Variants in DNAH7 observed in about 807,000 individuals in gnomAD.
DNAH7 encodes the protein dynein axonemal heavy chain 7.
DNAH7 carries 397 observed loss-of-function variants against 444.6 expected under a neutral mutation model. The observed-to-expected ratio is 0.89, with a 90% CI of 0.82 to 0.97. The LOEUF is 0.97. Among genes scored for constraint, DNAH7 ranks in the 50% least tolerant of loss-of-function variants. The pLI is 0.00. For synonymous variants in DNAH7, 1,636 were observed against 1,624.4 expected, an observed-to-expected ratio of 1.01 and a Z score of -0.17; for missense variants, 4,902 against 4,800.8, an observed-to-expected ratio of 1.02 and a Z score of -0.62.
chr2:195,911,200 C>T (rs931959202), intron 24 of DNAH7, among the ~76,000 whole-genome samples: 11 of 151,964 alleles, frequency 7.2e-5, no homozygotes, highest in Admixed American at 3.9e-4. Flanking sequence ...GGTATCCTGG[C>T]GGTCTGTTAA....
chr2:196,019,739 C>T (rs1365737997), intron 8 of DNAH7, among the ~76,000 whole-genome samples: 1 of 152,108 alleles, frequency 6.6e-6, no homozygotes, highest in Non-Finnish European at 1.5e-5. Flanking sequence ...CCAACCTTCC[C>T]ATAGAAATCC....
At chr2:196,067,326 A>C (rs1226427786) in intron 1 of DNAH7, among the ~76,000 whole-genome samples, 1 of 152,224 alleles carries the variant, frequency 6.6e-6, no homozygotes, top group Non-Finnish European at 1.5e-5. Context: ...ACAAGCAAAG[A>C]AGCTGCTCAA....
At chr2:195,802,697 C>CAA (rs150439744) in intron 54 of DNAH7, among the ~76,000 whole-genome samples, 2 of 146,094 alleles carry the variant, frequency 1.4e-5, no homozygotes, top group Admixed American at 1.4e-4. Context: ...AAAGGAAAAA[C>CAA]AAAAAAAAAA....
At chr2:195,824,635 C>T (rs1410714352) in intron 48 of DNAH7, among the ~76,000 whole-genome samples, 190 bp from the exon 49 acceptor site, 1 of 152,030 alleles carries the variant, frequency 6.6e-6, no homozygotes, top group Non-Finnish European at 1.5e-5. Flanking sequence ...GTGGGAAGGA[C>T]TTAAGTGGTG....
chr2:195,867,382 A>G (rs1700406422), intron 40 of DNAH7, among the ~76,000 whole-genome samples: 1 of 152,232 alleles, frequency 6.6e-6, no homozygotes, highest in Non-Finnish European at 1.5e-5. Context: ...GTATATTTAT[A>G]TTGTAATTTG....
In DNAH7 at chr2:196,048,363, G is replaced by A. The variant is rs1697260902; in HGVS notation, c.183C>T (p.Phe61=). 2 of 1,613,836 alleles carry A rather than the reference G, an allele frequency of 1.2e-6. No individual in the cohort carries two copies. Among genetic ancestry groups the A allele is most frequent in the African/African-American group, 1.3e-5 (1 of 74,906 alleles). ...KPHWQQAAPS[F]HLSVKQDDES... Reference sequence around the variant, plus strand: ...CATCATCCTGCTTTACACTCAAATGGAATGATGGAGCTGCCTGCTGCCAGT... The same window carrying A: ...CATCATCCTGCTTTACACTCAAATGAAATGATGGAGCTGCCTGCTGCCAGT... Residue 61 remains phenylalanine (F), a synonymous_variant, in exon 4 of 65, where the codon TTC becomes TTT. Transcript: ENST00000312428.
intron 4 of DNAH7, among the ~76,000 whole-genome samples, chr2:196,047,874 T>G (rs978005272): frequency 6.6e-6 from 1 of 151,978 alleles, no homozygotes; most frequent in Non-Finnish European, 1.5e-5. Flanking sequence ...GTAATCAATC[T>G]GATAAACACT....
chr2:195,858,824 A>C lies in DNAH7; in HGVS notation c.7737-20T>G, dbSNP rs778013122. On this transcript the variant is annotated intron_variant, in intron 42 of 64. Coordinates refer to ENST00000312428, the MANE Select transcript of DNAH7 (RefSeq NM_018897.3). ...ACTTCACTGGAAGGAAATAGATAAA[A>C]CAAAGTTAATCATGAGGCTCTGTAT... 9.5e-6 allele frequency: 15 copies of C among 1,576,170 alleles called. No homozygotes were observed. The highest frequency in any genetic ancestry group is 1.3e-5 in the Non-Finnish European group (15 of 1,161,484).
At chr2:195,877,069 T>G (rs1701106166) in intron 36 of DNAH7, among the ~76,000 whole-genome samples, 1 of 152,224 alleles carries the variant, frequency 6.6e-6, no homozygotes, top group African/African-American at 2.4e-5. Context: ...TCTTTCCACT[T>G]ACATACAAAG....
chr2:195,746,379 A>C (rs1296932904), intron 63 of DNAH7, among the ~76,000 whole-genome samples: 1 of 152,108 alleles, frequency 6.6e-6, no homozygotes, highest in Non-Finnish European at 1.5e-5. Context: ...AGAGACTTAG[A>C]CTCCCACACA....
At chr2:195,947,104 T>C (rs954562160) in intron 19 of DNAH7, among the ~76,000 whole-genome samples, 2 of 147,914 alleles carry the variant, frequency 1.4e-5, no homozygotes, top group East Asian at 1.9e-4. Context: ...TATATAATTA[T>C]AATATATATA....
At chr2:195,962,848 G>A (rs914831680) in intron 17 of DNAH7, among the ~76,000 whole-genome samples, 1 of 152,074 alleles carries the variant, frequency 6.6e-6, no homozygotes, top group Non-Finnish European at 1.5e-5. Context: ...GCTCACACAA[G>A]TTAAGTGGGA....
intron 28 of DNAH7, among the ~76,000 whole-genome samples, chr2:195,898,555 A>T (rs1424103328): frequency 6.6e-6 from 1 of 152,204 alleles, no homozygotes; most frequent in Admixed American, 6.5e-5. Flanking sequence ...GTTAGATGAC[A>T]TAATAACAGT....
chr2:195,908,000 A>AC (rs762107746), intron 25 of DNAH7, among the ~76,000 whole-genome samples: 19 of 152,118 alleles, frequency 1.2e-4, no homozygotes, highest in African/African-American at 4.3e-4. Flanking sequence ...CTAATTTTCT[A>AC]CCCCCATTAT....
intron 57 of DNAH7, among the ~76,000 whole-genome samples, 198 bp downstream of exon 57, chr2:195,794,140 G>A (rs1448349482): frequency 6.6e-6 from 1 of 152,096 alleles, no homozygotes; most frequent in Non-Finnish European, 1.5e-5. Context: ...GCAGGAATGA[G>A]GCTGGTGCTA....
chr2:196,062,998 T>C (rs1698216331), intron 1 of DNAH7, among the ~76,000 whole-genome samples: 1 of 152,200 alleles, frequency 6.6e-6, no homozygotes, highest in Non-Finnish European at 1.5e-5. Context: ...TTCTCCTGCC[T>C]AAGCCTCCCG....
At chr2:195,809,436 CACT>C (rs1423368462) in intron 52 of DNAH7, among the ~76,000 whole-genome samples, 11 of 152,138 alleles carry the variant, frequency 7.2e-5, no homozygotes, top group Admixed American at 2.0e-4. Context: ...AAAACATTTA[CACT>C]ACTACCTGGT....
At chr2:195,858,841 G>T in intron 42 of DNAH7, 37 bp from the exon 43 acceptor site, 1 of 1,530,360 alleles carries the variant, frequency 6.5e-7, no homozygotes, top group Non-Finnish European at 8.8e-7. Flanking sequence ...TAATCATGAG[G>T]CTCTGTATCC....
At chr2:196,024,110 A>C (rs952256008) in intron 8 of DNAH7, among the ~76,000 whole-genome samples, 3 of 152,222 alleles carry the variant, frequency 2.0e-5, no homozygotes, top group African/African-American at 7.2e-5. Context: ...AAATATTGTG[A>C]GAATTACCAA....
Sources: allele counts gnomAD v4.1 joint callset (sites outside exome capture counted in the v4.1 genomes callset), GRCh38; gene constraint gnomAD v4.1.1; transcripts MANE v1.5; gene names NCBI Gene and HGNC (gene_info 2026-07-23, HGNC 2026-07-21).